The following LOXL2 variants were observed in gnomAD, a reference collection of about 807,000 sequenced individuals.
LOXL2 encodes the protein lysyl oxidase homolog 2.
LOXL2 carries 70 observed loss-of-function variants against 93.0 expected under a neutral mutation model. That is an observed-to-expected ratio of 0.75 (90% CI 0.62 to 0.92). LOXL2 has a LOEUF of 0.92. Among genes scored for constraint, LOXL2 ranks in the 40% least tolerant of loss-of-function variants. LOXL2 has a pLI of 0.00. For missense variants in LOXL2, 973 were observed against 1,054.9 expected (o/e 0.92, Z 1.08); for synonymous variants, 438 against 413.2 (o/e 1.06, Z -0.73).
intron 1 of LOXL2, among the ~76,000 whole-genome samples, chr8:23,394,778 T>C (rs1195403508): frequency 2.2e-5 from 3 of 136,546 alleles, no homozygotes; most frequent in Non-Finnish European, 4.7e-5. Flanking sequence ...TTGAAACACA[T>C]TGAAACAGGT....
intron 2 of LOXL2, among the ~76,000 whole-genome samples, chr8:23,362,160 G>A (rs1804305596): frequency 6.6e-6 from 1 of 152,168 alleles, no homozygotes; most frequent in South Asian, 2.1e-4. Context: ...ATATTAGTCA[G>A]CCTTCAGAAG....
intron 1 of LOXL2, among the ~76,000 whole-genome samples, chr8:23,390,790 A>T (rs984392839): frequency 6.6e-6 from 1 of 152,238 alleles, no homozygotes; most frequent in African/African-American, 2.4e-5. Flanking sequence ...AAGGCAATTC[A>T]GAAAGTGATA....
Position 23,354,966 on chromosome 8 carries a change from T to A in LOXL2, c.531+5124A>T, listed in dbSNP as rs1437174917. Among the ~76,000 whole-genome samples the A allele has an allele frequency of 1.6e-3, 215 of 131,734 alleles. 5 individuals carry two copies. Among genetic ancestry groups the A allele is most frequent in the African/African-American group, 3.6e-3 (124 of 34,658 alleles). The allele number at this position is 131,734 out of a possible 152,430, so 86.4% of individuals were successfully genotyped here. On this transcript the variant is annotated intron_variant, in intron 3 of 13. Coordinates refer to ENST00000389131, the MANE Select transcript of LOXL2 (RefSeq NM_002318.3). Reference sequence around the variant, plus strand: ...ATATATATATTTTTTTTTTTTTTTTTTTTTTTTTTTTGAGACAGTTTTGCT... The same window carrying A: ...ATATATATATTTTTTTTTTTTTTTTATTTTTTTTTTTGAGACAGTTTTGCT...
Position 23,333,526 on chromosome 8 carries a change from C to T in LOXL2, c.841G>A (p.Val281Met), listed in dbSNP as rs1292275148. 2 of 1,614,006 alleles carry T rather than the reference C, an allele frequency of 1.2e-6. No homozygotes were observed. The highest frequency in any genetic ancestry group is 1.7e-6 in the Non-Finnish European group (2 of 1,180,046). The change falls in exon 5 of 14, where the codon GTG (valine) becomes ATG (methionine). Residue 281 changes from valine to methionine, a missense_variant. Transcript: ENST00000389131. Reference sequence around the variant, plus strand: ...ACATTCTTCATGGGGTCCAGTGACACCTGGGGGCCCAGCTTGCAGCTGGAG... The same window carrying T: ...ACATTCTTCATGGGGTCCAGTGACATCTGGGGGCCCAGCTTGCAGCTGGAG... ...HISSCKLGPQ[V>M]SLDPMKNVTC...
chr8:23,387,124 C>A, intron 1 of LOXL2, among the ~76,000 whole-genome samples: 1 of 152,152 alleles, frequency 6.6e-6, no homozygotes, highest in South Asian at 2.1e-4. Flanking sequence ...CAGAGACTGC[C>A]AGGAAAAGTT....
intron 10 of LOXL2, among the ~76,000 whole-genome samples, chr8:23,308,971 AATATAT>A (rs202120091): frequency 5.4e-5 from 8 of 146,874 alleles, no homozygotes; most frequent in Non-Finnish European, 7.5e-5. Context: ...CAGTACGTGG[AATATAT>A]ATATATATAT....
chr8:23,335,805 G>A (rs568049264), intron 4 of LOXL2, among the ~76,000 whole-genome samples: 1 of 152,246 alleles, frequency 6.6e-6, no homozygotes, highest in South Asian at 2.1e-4. Context: ...CAGAGTGAAT[G>A]GGGTGTGAAG....
intron 3 of LOXL2, chr8:23,341,405 A>C: frequency 2.7e-5 from 16 of 596,742 alleles, no homozygotes; most frequent in Non-Finnish European, 6.0e-6. Context: ...CATGGGAGAT[A>C]GTGAGGCTGA....
chr8:23,305,318 G>C (rs1803213189), intron 10 of LOXL2, among the ~76,000 whole-genome samples: 2 of 152,206 alleles, frequency 1.3e-5, no homozygotes, highest in South Asian at 4.1e-4. Context: ...CTGCAGACTT[G>C]ATTTAAATCT....
At chr8:23,349,206 G>A (rs542904156) in intron 3 of LOXL2, among the ~76,000 whole-genome samples, 10 of 152,286 alleles carry the variant, frequency 6.6e-5, no homozygotes, top group Admixed American at 5.9e-4. Context: ...GCGTGATAAT[G>A]TCGTCATCTC....
At position 23,360,199 on chromosome 8, in the gene LOXL2, T is replaced by C. The variant is rs1804267150; in HGVS notation, c.422A>G (p.Asn141Ser). The C allele has an allele frequency of 1.2e-6, 2 of 1,614,062 alleles. No individual in the cohort carries two copies. Among genetic ancestry groups the C allele is most frequent in the Non-Finnish European group, 1.7e-6 (2 of 1,179,956 alleles). Residue 141 changes from asparagine to serine, a missense_variant, in exon 3 of 14, where the codon AAT (asparagine) becomes AGT (serine). Coordinates refer to ENST00000389131, the MANE Select transcript of LOXL2 (RefSeq NM_002318.3). ...CTTGCAGTCAGTGACGCCCCAGCCA[T>C]TGGAGGTGCATGCTGCAAGGGTCGC... is the stretch of plus-strand genomic sequence containing the variant. ...NEATLAACTS[N>S]GWGVTDCKHT...
chr8:23,371,567 A>T (rs1311327048), intron 1 of LOXL2, among the ~76,000 whole-genome samples: 1 of 151,756 alleles, frequency 6.6e-6, no homozygotes, highest in South Asian at 2.1e-4. Context: ...CCCGGCTAAC[A>T]CGGTGAAACC....
chr8:23,339,008 C>G (rs1803839088), intron 4 of LOXL2, among the ~76,000 whole-genome samples: 1 of 152,250 alleles, frequency 6.6e-6, no homozygotes, highest in Admixed American at 6.5e-5. Context: ...TCCAGGCAGA[C>G]CCAGGGCTTA....
intron 9 of LOXL2, among the ~76,000 whole-genome samples, chr8:23,311,470 T>G (rs893166238): frequency 6.6e-6 from 1 of 152,216 alleles, no homozygotes; most frequent in African/African-American, 2.4e-5. Context: ...GTGAGCCTCT[T>G]ATTAGTTGAC....
At chr8:23,346,963 A>T (rs564401147) in intron 3 of LOXL2, among the ~76,000 whole-genome samples, 3 of 152,120 alleles carry the variant, frequency 2.0e-5, no homozygotes, top group Non-Finnish European at 4.4e-5. Flanking sequence ...GCCTCCCACA[A>T]CCACCAGCAA....
chr8:23,402,141 T>C (rs981656910), intron 1 of LOXL2, among the ~76,000 whole-genome samples: 1 of 151,830 alleles, frequency 6.6e-6, no homozygotes, highest in Non-Finnish European at 1.5e-5. Context: ...TGTGCACACA[T>C]GCACACAGGA....
rs775050327 is a variant in LOXL2, at chr8:23,298,076, G to A, written c.2292C>T (p.Ser764=). 1.7e-5 allele frequency: 27 copies of A among 1,613,760 alleles called. No individual in the cohort carries two copies. The highest frequency in any genetic ancestry group is 3.4e-4 in the Middle Eastern group (2 of 5,838). ...GGGACAGCTGGTTGTTTAAGAGCCCGCTGAAGTGCTCAAACTTTTTTTCCG... is the reference window on the plus strand; with the variant it reads ...GGGACAGCTGGTTGTTTAAGAGCCCACTGAAGTGCTCAAACTTTTTTTCCG... The part of the protein sequence containing the change: ...EETEKKFEHF[S]GLLNNQLSPQ Residue 764 remains serine, a synonymous_variant, in exon 14 of 14, where the codon AGC becomes AGT. Coordinates refer to ENST00000389131, the MANE Select transcript of LOXL2 (RefSeq NM_002318.3).
rs537778489 is a variant in LOXL2 at position 23,360,261 on chromosome 8, G to A, written c.360C>T (p.Pro120=). 6.6e-5 allele frequency: 105 copies of A among 1,598,122 alleles called. No individual in the cohort carries two copies. The South Asian group carries it at 1.0e-3, about 15-fold the overall frequency. The part of the protein sequence containing the change: ...ASSSYGKGEG[P]IWLDNLHCTG... ...TACAGTGGAGATTGTCTAACCAGAT[G>A]GGCCCTGAAGGAGGCAGAGAGGAGA... Residue 120 remains proline (P), a synonymous_variant, in exon 3 of 14, where the codon CCC becomes CCT. Coordinates refer to ENST00000389131, the MANE Select transcript of LOXL2 (RefSeq NM_002318.3).
At chr8:23,392,673 T>C (rs1193590292) in intron 1 of LOXL2, among the ~76,000 whole-genome samples, 1 of 152,214 alleles carries the variant, frequency 6.6e-6, no homozygotes, top group African/African-American at 2.4e-5. Flanking sequence ...GCTTCAGCCA[T>C]GCTGACCTGT....
Sources: gnomAD v4.1 joint callset for allele counts (sites outside exome capture counted in the v4.1 genomes callset) on GRCh38, gnomAD v4.1.1 for gene constraint, MANE v1.5 for transcripts, NCBI Gene and HGNC (gene_info 2026-07-23, HGNC 2026-07-21) for gene names.